LEKR1: variants seen among roughly 807,000 people sequenced by gnomAD.
LEKR1 encodes the protein leucine, glutamate and lysine rich 1, also known as protein LEKR1.
Under a neutral mutation model 72.4 loss-of-function variants are expected in LEKR1, and 59 were observed. The observed-to-expected ratio is 0.82, with a 90% CI of 0.66 to 1.01. LEKR1 has a LOEUF of 1.01. LEKR1 is among the 50% of genes least tolerant of loss of function. The pLI, the probability that LEKR1 is intolerant of heterozygous loss-of-function variation, is 0.00. For missense variants in LEKR1, 728 were observed against 759.2 expected (o/e 0.96, Z 0.48); for synonymous variants, 257 against 263.2 (o/e 0.98, Z 0.23).
At chr3:156,999,086 G>A (rs568394132) in intron 9 of LEKR1, among the ~76,000 whole-genome samples, 31 of 152,112 alleles carry the variant, frequency 2.0e-4, no homozygotes, top group South Asian at 1.0e-3. Context: ...CCATCCTGCC[G>A]CCCTGTGAAG....
chr3:156,924,411 G>T, intron 4 of LEKR1: 1 of 564,672 alleles, frequency 1.8e-6, no homozygotes, highest in Non-Finnish European at 3.2e-6. Flanking sequence ...TCTCCCAGTG[G>T]CTTATCTTTT....
intron 9 of LEKR1, among the ~76,000 whole-genome samples, chr3:157,008,948 G>A (rs1732676841): frequency 6.6e-6 from 1 of 151,992 alleles, no homozygotes; most frequent in South Asian, 2.1e-4. Context: ...CATTTTGATA[G>A]CAATTAATAA....
At chr3:156,876,457 A>G (rs1718594272) in intron 3 of LEKR1, among the ~76,000 whole-genome samples, 1 of 152,156 alleles carries the variant, frequency 6.6e-6, no homozygotes, top group South Asian at 2.1e-4. Flanking sequence ...TTCATCCATG[A>G]GCATTGGGTG....
intron 7 of LEKR1, among the ~76,000 whole-genome samples, chr3:156,991,784 G>A (rs752784083): frequency 3.9e-5 from 6 of 152,098 alleles, no homozygotes; most frequent in Non-Finnish European, 2.9e-5. Context: ...AAAAATCTTT[G>A]TCTGCTCATT....
chr3:156,829,264 C>T, intron 1 of LEKR1, 22 bp from the exon 2 acceptor site: 1 of 870,684 alleles, frequency 1.1e-6, no homozygotes, highest in Non-Finnish European at 1.8e-6. Context: ...TCTGTTCTGA[C>T]TGTTGCCATC....
chr3:156,898,632 G>T (rs1278223629), intron 3 of LEKR1, among the ~76,000 whole-genome samples: 2 of 151,974 alleles, frequency 1.3e-5, no homozygotes, highest in East Asian at 1.9e-4. Flanking sequence ...ATGGACTAAG[G>T]TGCATAATAA....
intron 6 of LEKR1, among the ~76,000 whole-genome samples, chr3:156,953,471 A>G (rs1265599116): frequency 6.6e-6 from 1 of 151,658 alleles, no homozygotes; most frequent in Non-Finnish European, 1.5e-5. Flanking sequence ...TAAGCCCAGC[A>G]TCCCTTAGTT....
intron 3 of LEKR1, among the ~76,000 whole-genome samples, chr3:156,882,729 A>G (rs1385128442): frequency 6.6e-6 from 1 of 152,214 alleles, no homozygotes; most frequent in Non-Finnish European, 1.5e-5. Flanking sequence ...ATTATTCAGA[A>G]TAGCAAAGAC....
intron 3 of LEKR1, among the ~76,000 whole-genome samples, chr3:156,898,327 G>T (rs1381938910): frequency 6.6e-6 from 1 of 152,048 alleles, no homozygotes; most frequent in African/African-American, 2.4e-5. Context: ...GAGAATTTAT[G>T]GTTTGTAGGG....
rs148266046 is a variant in LEKR1 at position 157,026,527 on chromosome 3, A to G, written c.1369-1576A>G. On this transcript the variant is annotated intron_variant, in intron 11 of 12. Coordinates refer to ENST00000356539, the MANE Select transcript of LEKR1 (RefSeq NM_001004316.3). ...CTGGGTGATGAAAACCACTGTGCAG[A>G]CCTGACAGTGGCCTTCTTCCCTCTT... 4.0e-3 allele frequency among the ~76,000 whole-genome samples: 602 copies of G among 152,320 alleles called. 2 individuals are homozygous for G. Among genetic ancestry groups the G allele is most frequent in the African/African-American group, 0.013 (540 of 41,572 alleles).
chr3:156,957,470 A>C (rs922766403), intron 6 of LEKR1, among the ~76,000 whole-genome samples: 4 of 147,678 alleles, frequency 2.7e-5, no homozygotes, highest in African/African-American at 7.9e-5. Context: ...CTATCTTCAA[A>C]AAAGAAAAAA....
At chr3:156,839,599 G>A (rs1360061491) in intron 2 of LEKR1, among the ~76,000 whole-genome samples, 1 of 152,214 alleles carries the variant, frequency 6.6e-6, no homozygotes, top group East Asian at 1.9e-4. Context: ...AAATTCAGGA[G>A]CTAACAGACA....
At chr3:156,946,387 C>G (rs1453772939) in intron 6 of LEKR1, among the ~76,000 whole-genome samples, 1 of 151,414 alleles carries the variant, frequency 6.6e-6, no homozygotes, top group East Asian at 1.9e-4. Flanking sequence ...CATCTGCAAA[C>G]AAGGATAATT....
Position 156,880,769 on chromosome 3 carries a change from G to A in LEKR1, c.263+27787G>A, listed in dbSNP as rs528190562. On this transcript the variant is annotated intron_variant, in intron 3 of 12. Transcript: ENST00000356539. ...ATCCTCAATAAAATACTGGCAAACC[G>A]AATCCAGCAGCACATCAAAAAACTT... 3.2e-3 allele frequency among the ~76,000 whole-genome samples: 485 copies of A among 152,138 alleles called. 1 individual carries two copies. The highest frequency in any genetic ancestry group is 0.011 in the African/African-American group (451 of 41,538).
chr3:157,021,498 T>G (rs1303813194), intron 10 of LEKR1, among the ~76,000 whole-genome samples: 1 of 152,224 alleles, frequency 6.6e-6, no homozygotes, highest in Non-Finnish European at 1.5e-5. Flanking sequence ...CTGCTGATTT[T>G]CTAATTGACC....
intron 10 of LEKR1, among the ~76,000 whole-genome samples, chr3:157,013,660 G>T (rs1050560926): frequency 6.6e-6 from 1 of 152,026 alleles, no homozygotes; most frequent in Non-Finnish European, 1.5e-5. Flanking sequence ...AGTAAATCAA[G>T]ATCCAGACCA....
chr3:156,991,465 T>C (rs1311316614), intron 7 of LEKR1, among the ~76,000 whole-genome samples: 1 of 152,136 alleles, frequency 6.6e-6, no homozygotes, highest in Non-Finnish European at 1.5e-5. Flanking sequence ...AAGGAGGGCA[T>C]TGATAATCTT....
At chr3:157,000,877 A>C (rs1265023517) in intron 9 of LEKR1, among the ~76,000 whole-genome samples, 1 of 152,204 alleles carries the variant, frequency 6.6e-6, no homozygotes, top group South Asian at 2.1e-4. Context: ...AGGTAATTGA[A>C]TCGTGGGGGC....
At chr3:156,999,801 T>G (rs144384657) in intron 9 of LEKR1, among the ~76,000 whole-genome samples, 2,030 of 152,326 alleles carry the variant, frequency 0.013, 22 homozygotes, top group Middle Eastern at 0.031. Context: ...CTGCCACACC[T>G]GCCTCACTGG....
Sources: allele counts gnomAD v4.1 joint callset (sites outside exome capture counted in the v4.1 genomes callset), GRCh38; gene constraint gnomAD v4.1.1; transcripts MANE v1.5; gene names NCBI Gene and HGNC (gene_info 2026-07-23, HGNC 2026-07-21).